CEP350: variants seen among roughly 807,000 people sequenced by gnomAD.
CEP350 encodes the protein centrosomal protein 350.
CEP350 carries 126 observed loss-of-function variants against 331.8 expected under a neutral mutation model. The observed-to-expected ratio is 0.38, with a 90% CI of 0.33 to 0.44. The LOEUF (loss-of-function observed/expected upper bound fraction) is 0.44. CEP350 is among the 20% of genes least tolerant of loss of function. The probability of loss-of-function intolerance (pLI) is 1.00; values close to 1 mark genes in which losing one functional copy is unlikely to be tolerated. For missense variants in CEP350, 3,406 were observed against 3,634.6 expected (o/e 0.94, Z 1.62); for synonymous variants, 1,200 against 1,259.5 (o/e 0.95, Z 1.00).
At chr1:180,088,760 G>A (rs562477931) in intron 32 of CEP350, among the ~76,000 whole-genome samples, 25 of 152,232 alleles carry the variant, frequency 1.6e-4, no homozygotes, top group African/African-American at 6.0e-4. Context: ...ATTTATAAAG[G>A]TAAGAATAAT....
At position 179,964,861 on chromosome 1, in the gene CEP350, G is replaced by T. The variant is rs572945429; in HGVS notation, c.-14+9719G>T. On this transcript the variant is annotated intron_variant, in intron 1 of 37. Coordinates refer to ENST00000367607, the MANE Select transcript of CEP350 (RefSeq NM_014810.5). Reference sequence around the variant, plus strand: ...TGTTGATCCTTTGTATGTTTTTTTTGTTGTTGTTTGTTTGTTTGTTTGTTT... The same window carrying T: ...TGTTGATCCTTTGTATGTTTTTTTTTTTGTTGTTTGTTTGTTTGTTTGTTT... Among the ~76,000 whole-genome samples, 65 of 148,092 alleles carry T rather than the reference G, an allele frequency of 4.4e-4. 1 individual carries two copies. The highest frequency in any genetic ancestry group is 1.1e-3 in the African/African-American group (42 of 39,942).
intron 30 of CEP350, among the ~76,000 whole-genome samples, chr1:180,082,556 C>T (rs939918106): frequency 6.6e-6 from 1 of 152,148 alleles, no homozygotes; most frequent in Non-Finnish European, 1.5e-5. Context: ...CTCAAGCAGT[C>T]TGCCCACCTT....
Position 180,093,610 on chromosome 1 carries a change from G to T in CEP350, c.7505G>T (p.Arg2502Met). 6.2e-7 allele frequency: 1 copy of T among 1,613,964 alleles called. No homozygotes were observed. Among genetic ancestry groups the T allele is most frequent in the South Asian group, 1.1e-5 (1 of 91,054 alleles). Residue 2502 changes from arginine (R) to methionine (M), a missense_variant, in exon 34 of 38, where the codon AGG (arginine) becomes ATG (methionine). Around this residue, in one of 5 missense-constraint regions of CEP350, gnomAD observed 1,415 missense variants for 1,512.3 expected, o/e 0.94. Coordinates refer to ENST00000367607, the MANE Select transcript of CEP350 (RefSeq NM_014810.5). ...TTATTTGATTTCCACATTGGTGATA[G>T]GGTGTTGATTGGAAATGTTCAGCCA... is the stretch of plus-strand genomic sequence containing the variant. ...DELFDFHIGD[R>M]VLIGNVQPGI...
Position 179,996,926 on chromosome 1 carries a change from T to C in CEP350, c.769T>C (p.Ser257Pro). The C allele has an allele frequency of 2.5e-6, 4 of 1,614,042 alleles. No homozygotes were observed. The highest frequency in any genetic ancestry group is 2.2e-5 in the South Asian group (2 of 91,086). ...TCCAAAAGCGTTACGACTAACTGAC[T>C]CTTCTCCATCCTCTACTAGTACTTC... ...TDPKALRLTD[S>P]SPSSTSTSNS... The change falls in exon 6 of 38, where the codon TCT becomes CCT. Residue 257 changes from serine to proline, a missense_variant. Ser to Pro is a moderately conservative substitution (Grantham distance 74). This residue lies in a region of CEP350 where 1,857 missense variants were observed against 1,909.2 expected (regional missense o/e 0.97). Coordinates refer to ENST00000367607, the MANE Select transcript of CEP350 (RefSeq NM_014810.5).
intron 11 of CEP350, among the ~76,000 whole-genome samples, chr1:180,019,648 A>G (rs1346764351): frequency 6.6e-6 from 1 of 152,168 alleles, no homozygotes; most frequent in Non-Finnish European, 1.5e-5. Flanking sequence ...AAAATATGGC[A>G]TCTTAGTTGA....
At chr1:179,975,092 A>G (rs1651762251) in intron 1 of CEP350, among the ~76,000 whole-genome samples, 1 of 152,218 alleles carries the variant, frequency 6.6e-6, no homozygotes, top group African/African-American at 2.4e-5. Flanking sequence ...AGTTTGGGAA[A>G]GATTTATAGG....
intron 31 of CEP350, among the ~76,000 whole-genome samples, chr1:180,085,261 A>G (rs1455787877): frequency 6.6e-6 from 1 of 152,158 alleles, no homozygotes; most frequent in African/African-American, 2.4e-5. Flanking sequence ...CCCAAGCCGT[A>G]GCAGCCTTTC....
intron 5 of CEP350, 53 bp from the exon 6 acceptor site, chr1:179,996,500 G>A: frequency 1.6e-6 from 2 of 1,275,722 alleles, no homozygotes; most frequent in East Asian, 2.5e-5. Flanking sequence ...CAATTTTCAA[G>A]TATACAATAT....
intron 30 of CEP350, among the ~76,000 whole-genome samples, chr1:180,082,279 C>T (rs1305731483): frequency 6.6e-6 from 1 of 152,120 alleles, no homozygotes; most frequent in Non-Finnish European, 1.5e-5. Flanking sequence ...AGATTCACTA[C>T]CTATTCAAGA....
intron 11 of CEP350, among the ~76,000 whole-genome samples, chr1:180,017,863 G>A (rs1655071560): frequency 6.6e-6 from 1 of 152,054 alleles, no homozygotes; most frequent in South Asian, 2.1e-4. Flanking sequence ...ACTTTCCTTG[G>A]CTAGCAGAGT....
chr1:179,969,413 C>G, intron 1 of CEP350: 1 of 509,268 alleles, frequency 2.0e-6, no homozygotes, highest in Non-Finnish European at 3.9e-6. Context: ...GCCTATTCAG[C>G]AGTTTCCTAC....
At position 180,112,923 on chromosome 1, in the gene CEP350, C is replaced by A. The variant is rs1661528873; in HGVS notation, c.*1762C>A. The A allele has an allele frequency of 6.6e-6, 1 of 152,532 alleles. No homozygotes were observed. Among genetic ancestry groups the A allele is most frequent in the African/African-American group, 2.4e-5 (1 of 41,418 alleles). 9.4% of individuals were successfully genotyped at this position (152,532 alleles called of 1,614,324 possible). ...TTGCACAATGACTGGTATGATAGCT[C>A]TTGACAAATAAGGAAAGCACTGAAA... On this transcript the variant is annotated 3_prime_UTR_variant, in exon 38 of 38. Transcript: ENST00000367607.
intron 30 of CEP350, among the ~76,000 whole-genome samples, chr1:180,082,892 C>T (rs1274135260): frequency 1.3e-5 from 2 of 152,072 alleles, no homozygotes; most frequent in Non-Finnish European, 2.9e-5. Context: ...AAATATTGAG[C>T]CTTGCCTATG....
intron 1 of CEP350, among the ~76,000 whole-genome samples, chr1:179,964,095 G>C (rs531754347): frequency 2.6e-5 from 4 of 152,140 alleles, no homozygotes; most frequent in East Asian, 3.9e-4. Flanking sequence ...AGATGGGATT[G>C]CATTTTTGAT....
At chr1:180,011,250 C>T (rs1287666410) in intron 8 of CEP350, among the ~76,000 whole-genome samples, 2 of 152,114 alleles carry the variant, frequency 1.3e-5, no homozygotes, top group Non-Finnish European at 2.9e-5. Context: ...CCCTGTAATA[C>T]CATCCCCTTC....
chr1:179,993,352 T>C (rs1254409133), intron 5 of CEP350, among the ~76,000 whole-genome samples: 1 of 152,132 alleles, frequency 6.6e-6, no homozygotes, highest in Non-Finnish European at 1.5e-5. Context: ...TGAGACTGAG[T>C]TGCTCACTTT....
chr1:179,979,547 T>C (rs1247250763), intron 1 of CEP350, among the ~76,000 whole-genome samples: 1 of 152,062 alleles, frequency 6.6e-6, no homozygotes, highest in Non-Finnish European at 1.5e-5. Context: ...CTTTTTAGGT[T>C]GATATAATGC....
intron 26 of CEP350, among the ~76,000 whole-genome samples, chr1:180,063,367 A>G (rs1193584061): frequency 1.3e-5 from 2 of 151,472 alleles, no homozygotes; most frequent in African/African-American, 2.4e-5. Flanking sequence ...AATTTTTTGT[A>G]TTTTTTATAG....
Position 180,065,197 on chromosome 1 carries a change from C to T in CEP350, c.5492C>T (p.Pro1831Leu), listed in dbSNP as rs1459180432. 6 of 1,613,644 alleles carry T rather than the reference C, an allele frequency of 3.7e-6. No individual in the cohort carries two copies. The change falls in exon 27 of 38, where the codon CCC becomes CTC. Residue 1831 changes from proline (P) to leucine (L), a missense_variant. Pro to Leu is a moderately conservative substitution (Grantham distance 98, BLOSUM62 -3). Around this residue, in one of 5 missense-constraint regions of CEP350, gnomAD observed 1,415 missense variants for 1,512.3 expected, o/e 0.94. Coordinates refer to ENST00000367607, the MANE Select transcript of CEP350 (RefSeq NM_014810.5). ...GACTTGGAGACCCGCAGTCCTTCTCCCATTTCAATCTCCAGCAGTGAAACT... is the reference window on the plus strand; with the variant it reads ...GACTTGGAGACCCGCAGTCCTTCTCTCATTTCAATCTCCAGCAGTGAAACT... ...PTDLETRSPS[P>L]ISISSSETSS...
Sources: allele counts gnomAD v4.1 joint callset (sites outside exome capture counted in the v4.1 genomes callset), GRCh38; gene constraint gnomAD v4.1.1; regional missense constraint gnomAD v4.1.1; transcripts MANE v1.5; gene names NCBI Gene and HGNC (gene_info 2026-07-23, HGNC 2026-07-21).